Variants in ZC3H13 observed in about 807,000 individuals in gnomAD.
ZC3H13 encodes the protein zinc finger CCCH-type containing 13.
In ZC3H13, 64 loss-of-function variants were observed where a neutral mutation model predicts 204.1. That is an observed-to-expected ratio of 0.31 (90% CI 0.26 to 0.39). The LOEUF is 0.39. Among genes scored for constraint, ZC3H13 ranks in the 10% least tolerant of loss-of-function variants. ZC3H13 has a pLI of 1.00. For missense variants in ZC3H13, 1,833 were observed against 2,082.7 expected, an observed-to-expected ratio of 0.88 and a Z score of 2.33; for synonymous variants, 667 against 693.7, an observed-to-expected ratio of 0.96 and a Z score of 0.60.
Position 46,038,300 on chromosome 13 carries a change from G to A in ZC3H13, c.339+3864C>T, listed in dbSNP as rs984184944. ...CTCTTCTTCCCTCCCCTCTGACACC[G>A]CGTCGATCCTTCAACACCAGTCCAA... On this transcript the variant is annotated intron_variant, in intron 4 of 18. Transcript: ENST00000679008. Among the ~76,000 whole-genome samples the A allele has an allele frequency of 3.9e-5, 6 of 152,194 alleles. No individual in the cohort carries two copies. The South Asian group carries it at 6.2e-4, about 16-fold the overall frequency.
chr13:45,982,938 A>T (rs1171228790), intron 10 of ZC3H13, among the ~76,000 whole-genome samples: 1 of 152,214 alleles, frequency 6.6e-6, no homozygotes, highest in Non-Finnish European at 1.5e-5. Flanking sequence ...ACGTGTACCT[A>T]ATAGCAAAGC....
At chr13:46,006,798 C>T (rs1302997747) in intron 7 of ZC3H13, among the ~76,000 whole-genome samples, 1 of 138,464 alleles carries the variant, frequency 7.2e-6, no homozygotes, top group Non-Finnish European at 1.5e-5. Flanking sequence ...GAAAATGTAG[C>T]TCTCTTAGTC....
chr13:46,020,704 GA>G (rs2042171394), intron 4 of ZC3H13, 147 bp from the exon 5 acceptor site: 1 of 576,402 alleles, frequency 1.7e-6, no homozygotes, highest in African/African-American at 1.9e-5. Flanking sequence ...ACTAAGTAGA[GA>G]AAGTGACAAA....
intron 4 of ZC3H13, among the ~76,000 whole-genome samples, chr13:46,036,975 T>G (rs2043248748): frequency 6.6e-6 from 1 of 152,116 alleles, no homozygotes; most frequent in African/African-American, 2.4e-5. Flanking sequence ...CACCTCAGCC[T>G]CCCAAAGTGC....
chr13:45,996,777 T>A (rs1006505632), intron 8 of ZC3H13, among the ~76,000 whole-genome samples: 3 of 149,170 alleles, frequency 2.0e-5, no homozygotes, highest in Non-Finnish European at 4.4e-5. Flanking sequence ...ATAAAGTACT[T>A]CCTTTGAGTG....
Position 45,979,829 on chromosome 13 carries a change from A to G in ZC3H13, c.1896T>C (p.Arg632=), listed in dbSNP as rs2138089259. The part of the protein sequence containing the change: ...FERRHGERDR[R]DNRERDQRPS... ...TTGACAAACCTCTCTCTCTGTTGTC[A>G]CGACGGTCTCGCTCTCCATGTCTTC... The change falls in exon 11 of 19, where the codon CGT becomes CGC. Residue 632 remains arginine, a synonymous_variant. Transcript: ENST00000679008. 1 of 1,585,480 alleles carries G rather than the reference A, an allele frequency of 6.3e-7. No homozygotes were observed. Among genetic ancestry groups the G allele is most frequent in the East Asian group, 2.3e-5 (1 of 43,104 alleles).
In ZC3H13 at chr13:46,010,558, C is replaced by T. The variant is rs145001270; in HGVS notation, c.589-53G>A. 168 of 1,548,888 alleles carry T rather than the reference C, an allele frequency of 1.1e-4. 1 individual carries two copies. Among genetic ancestry groups the T allele is most frequent in the Middle Eastern group, 3.5e-4 (2 of 5,738 alleles). On this transcript the variant is annotated intron_variant, in intron 6 of 18. Coordinates refer to ENST00000679008, the MANE Select transcript of ZC3H13 (RefSeq NM_001330564.2). ...AGAAATTCCTCCACTTATGGTACAA[C>T]AAGACTTACAGTATTTTAGAATCAC...
chr13:46,030,310 A>T (rs996066776), intron 4 of ZC3H13, among the ~76,000 whole-genome samples: 5 of 152,242 alleles, frequency 3.3e-5, no homozygotes, highest in Non-Finnish European at 5.9e-5. Flanking sequence ...TCCTGCTAAC[A>T]TGAGAAACAA....
At chr13:46,020,366 C>A in intron 5 of ZC3H13, 83 bp downstream of exon 5, 1 of 978,390 alleles carries the variant, frequency 1.0e-6, no homozygotes, top group South Asian at 1.4e-5. Context: ...GGATCACAGT[C>A]GAAAGGTGTT....
intron 4 of ZC3H13, among the ~76,000 whole-genome samples, chr13:46,028,259 T>G (rs1322825543): frequency 1.3e-5 from 2 of 152,106 alleles, no homozygotes; most frequent in East Asian, 3.9e-4. Context: ...GATACAGACG[T>G]CCAGTCTGCA....
chr13:46,013,412 C>CAA lies in ZC3H13; in HGVS notation c.449-1860_449-1859dup, dbSNP rs562249055. 7.6e-5 allele frequency among the ~76,000 whole-genome samples: 8 copies of CAA among 104,880 alleles called. No individual in the cohort carries two copies. In the East Asian group the frequency reaches 1.6e-3, roughly 21 times the overall value. 68.8% of individuals were successfully genotyped at this position (104,880 alleles called of 152,430 possible). A position where few individuals can be genotyped will look rare whatever the true frequency, so the allele number is the denominator to read the frequency against. Reference sequence around the variant, plus strand: ...CTGACAACAGAGCAAGACTTCGTCTCAAAAAAAAAAAAACAAAATAAATAA... The same window carrying CAA: ...CTGACAACAGAGCAAGACTTCGTCTCAAAAAAAAAAAAAAACAAAATAAATAA... On this transcript the variant is annotated intron_variant, in intron 5 of 18. Transcript: ENST00000679008.
chr13:45,970,525 T>C (rs1952500000), intron 12 of ZC3H13, 60 bp from the exon 13 acceptor site: 2 of 1,456,608 alleles, frequency 1.4e-6, no homozygotes, highest in East Asian at 2.3e-5. Flanking sequence ...AGAGATTTTT[T>C]TGTTTTTACT....
intron 11 of ZC3H13, among the ~76,000 whole-genome samples, chr13:45,977,339 T>C (rs544454277): frequency 3.0e-4 from 46 of 152,280 alleles, no homozygotes; most frequent in African/African-American, 1.1e-3. Context: ...TTATAGCAAA[T>C]CATACTTTAA....
intron 8 of ZC3H13, among the ~76,000 whole-genome samples, chr13:45,996,305 A>G (rs758099618): frequency 2.2e-4 from 33 of 152,234 alleles, no homozygotes; most frequent in Non-Finnish European, 2.6e-4. Flanking sequence ...GACACAGAGT[A>G]TTCCCTTCAA....
intron 4 of ZC3H13, among the ~76,000 whole-genome samples, chr13:46,031,525 C>T (rs1171505790): frequency 1.3e-5 from 2 of 151,834 alleles, no homozygotes; most frequent in African/African-American, 2.4e-5. Flanking sequence ...GAAAAATAAG[C>T]TCAGAAGACA....
chr13:46,048,739 A>G (rs1416749873), intron 1 of ZC3H13, among the ~76,000 whole-genome samples: 6 of 152,128 alleles, frequency 3.9e-5, no homozygotes, highest in Non-Finnish European at 8.8e-5. Context: ...AGTGACATCA[A>G]GAACTATTCA....
At chr13:46,045,245 C>T in intron 2 of ZC3H13, 146 bp downstream of exon 2, 1 of 975,362 alleles carries the variant, frequency 1.0e-6, no homozygotes, top group Non-Finnish European at 1.5e-6. Context: ...TCACCCTTTT[C>T]ACTTCTTTTT....
At chr13:45,958,690 T>C (rs56288921) in intron 18 of ZC3H13, among the ~76,000 whole-genome samples, 2,314 of 147,966 alleles carry the variant, frequency 0.016, 19 homozygotes, top group South Asian at 0.052. Flanking sequence ...GAGTCTTGCT[T>C]TGTCGCCCAG....
chr13:45,998,260 G>C (rs2040479713), intron 8 of ZC3H13, among the ~76,000 whole-genome samples: 1 of 152,114 alleles, frequency 6.6e-6, no homozygotes, highest in Non-Finnish European at 1.5e-5. Flanking sequence ...TCACAGTTAA[G>C]TGAGCCACAC....
Sources: allele counts gnomAD v4.1 joint callset (sites outside exome capture counted in the v4.1 genomes callset), GRCh38; gene constraint gnomAD v4.1.1; transcripts MANE v1.5; gene names NCBI Gene and HGNC (gene_info 2026-07-23, HGNC 2026-07-21).